Variants in ZMIZ1 observed in about 807,000 individuals in gnomAD.
ZMIZ1 encodes the protein zinc finger MIZ-type containing 1.
ZMIZ1 carries 17 observed loss-of-function variants against 113.9 expected under a neutral mutation model. The ratio of observed to expected loss-of-function variants is 0.15; its 90% CI spans 0.10 to 0.22. The LOEUF (loss-of-function observed/expected upper bound fraction) is 0.22, where lower values mean the gene tolerates loss of function less well. ZMIZ1 is among the 10% of genes least tolerant of loss of function. ZMIZ1 has a pLI of 1.00. For missense variants in ZMIZ1, 1,059 were observed against 1,477.8 expected, an observed-to-expected ratio of 0.72 and a Z score of 4.65; for synonymous variants, 607 against 603.1, an observed-to-expected ratio of 1.01 and a Z score of -0.09.
At position 79,306,359 on chromosome 10, in the gene ZMIZ1, G is replaced by T. The variant is rs368048020; in HGVS notation, c.2668+15G>T. 6.2e-7 allele frequency: 1 copy of T among 1,605,066 alleles called. No homozygotes were observed. The highest frequency in any genetic ancestry group is 8.5e-7 in the Non-Finnish European group (1 of 1,179,368). ...CAGCAGCCAAGGTGGGTGATGCCAG[G>T]CAGGGAGGAAGGGAGAAGGAGGGCA... On this transcript the variant is annotated intron_variant, in intron 22 of 24. Coordinates refer to ENST00000334512, the MANE Select transcript of ZMIZ1 (RefSeq NM_020338.4).
At chr10:79,167,924 G>A (rs1354920572) in intron 4 of ZMIZ1, among the ~76,000 whole-genome samples, 1 of 152,244 alleles carries the variant, frequency 6.6e-6, no homozygotes, top group Non-Finnish European at 1.5e-5. Flanking sequence ...AGCGAGTGGA[G>A]GATGCCTGTG....
chr10:79,225,420 T>G (rs1849160791), intron 7 of ZMIZ1, among the ~76,000 whole-genome samples: 2 of 152,100 alleles, frequency 1.3e-5, no homozygotes, highest in East Asian at 3.9e-4. Context: ...GGTGAGCCAG[T>G]TCTCTGCTAG....
chr10:79,174,308 C>T (rs546677570), intron 4 of ZMIZ1, among the ~76,000 whole-genome samples: 7 of 151,922 alleles, frequency 4.6e-5, no homozygotes, highest in South Asian at 2.1e-4. Flanking sequence ...AGGGAAGGGC[C>T]GTGACCAACT....
chr10:79,177,948 C>G lies in ZMIZ1; in HGVS notation c.-50+15815C>G, dbSNP rs1016203586. Among the ~76,000 whole-genome samples, 4 of 152,156 alleles carry G rather than the reference C, an allele frequency of 2.6e-5. No individual in the cohort carries two copies. The East Asian group carries it at 7.7e-4, about 29-fold the overall frequency. On this transcript the variant is annotated intron_variant, in intron 4 of 24. Transcript: ENST00000334512. ...TTTTCTTCTCTTTTGGACTAAGTCA[C>G]GAGGAGGCTTCAGAGTCATTCAGTG...
At chr10:79,199,477 G>A (rs1847980469) in intron 4 of ZMIZ1, among the ~76,000 whole-genome samples, 1 of 152,000 alleles carries the variant, frequency 6.6e-6, no homozygotes, top group African/African-American at 2.4e-5. Context: ...CTGCACTCCA[G>A]CCTGGGCGAC....
intron 1 of ZMIZ1, among the ~76,000 whole-genome samples, chr10:79,117,565 G>A (rs544395237): frequency 2.0e-5 from 3 of 152,362 alleles, no homozygotes; most frequent in African/African-American, 7.2e-5. Context: ...TTTTCTGGCT[G>A]TTACGAATTG....
intron 5 of ZMIZ1, among the ~76,000 whole-genome samples, chr10:79,204,876 T>C (rs1848246986): frequency 9.2e-6 from 1 of 108,148 alleles, no homozygotes; most frequent in African/African-American, 4.4e-5. Flanking sequence ...GGTAGATAGG[T>C]AGATGAATGA....
At chr10:79,124,404 C>T (rs912368958) in intron 2 of ZMIZ1, among the ~76,000 whole-genome samples, 9 of 152,232 alleles carry the variant, frequency 5.9e-5, no homozygotes, top group African/African-American at 2.2e-4. Context: ...GGAGCTAGGA[C>T]TCAGCCCAGT....
At chr10:79,127,453 A>G (rs1314204182) in intron 2 of ZMIZ1, among the ~76,000 whole-genome samples, 1 of 152,072 alleles carries the variant, frequency 6.6e-6, no homozygotes, top group Non-Finnish European at 1.5e-5. Flanking sequence ...CTGCTCGGGA[A>G]GCCCATTCTT....
intron 1 of ZMIZ1, among the ~76,000 whole-genome samples, chr10:79,080,642 G>A (rs138988991): frequency 4.6e-5 from 7 of 152,266 alleles, no homozygotes; most frequent in South Asian, 2.1e-4. Flanking sequence ...GTTTGGCGAT[G>A]GGGCTGTGAA....
In ZMIZ1 at chr10:79,307,511, G is replaced by T; in HGVS notation, c.2775G>T (p.Pro925=). The T allele has an allele frequency of 6.6e-7, 1 of 1,508,774 alleles. No individual in the cohort carries two copies. Among genetic ancestry groups the T allele is most frequent in the Non-Finnish European group, 8.8e-7 (1 of 1,132,010 alleles). 93.5% of individuals were successfully genotyped at this position (1,508,774 alleles called of 1,614,324 possible). A position where few individuals can be genotyped will look rare whatever the true frequency, so the allele number is the denominator to read the frequency against. ...GGCCCCCCCAGCTCTCCCACCCCCC[G>T]GACATGCCCAACAACATGGCCGCCC... ...MHGPPQLSHP[P]DMPNNMAALE... Residue 925 remains proline, a synonymous_variant, in exon 23 of 25, where the codon CCG becomes CCT. Transcript: ENST00000334512.
At position 79,258,446 on chromosome 10, in the gene ZMIZ1, T is replaced by G. The variant is rs1851054830; in HGVS notation, c.281-18735T>G. Among the ~76,000 whole-genome samples the G allele has an allele frequency of 2.0e-5, 3 of 152,188 alleles. No individual in the cohort carries two copies. The South Asian group carries it at 6.2e-4, about 32-fold the overall frequency. ...TAGTTAAATGGAATTTAAACTCAAC[T>G]CCTCAGTTGCACTGGCCACACATGT... is the stretch of plus-strand genomic sequence containing the variant. On this transcript the variant is annotated intron_variant, in intron 7 of 24. Transcript: ENST00000334512.
chr10:79,305,483 A>T lies in ZMIZ1; in HGVS notation c.2355-50A>T, dbSNP rs200364362. ...ACTGAGGTGGATGGGCTTTGCCCCT[A>T]CCTCCTTGGGTCCTGGAGCAGAGGC... On this transcript the variant is annotated intron_variant, in intron 20 of 24. Transcript: ENST00000334512. 1,414 of 1,597,816 alleles carry T rather than the reference A, an allele frequency of 8.8e-4. 4 individuals are homozygous for T. Among genetic ancestry groups the T allele is most frequent in the Non-Finnish European group, 1.1e-3 (1,273 of 1,165,548 alleles).
At chr10:79,078,737 A>G (rs1181655855) in intron 1 of ZMIZ1, among the ~76,000 whole-genome samples, 1 of 37,218 alleles carries the variant, frequency 2.7e-5, no homozygotes, top group African/African-American at 1.2e-4. Flanking sequence ...TTTTTTGCAT[A>G]TGGTGTTTCA....
chr10:79,185,208 G>A (rs996860096), intron 4 of ZMIZ1, among the ~76,000 whole-genome samples: 1 of 152,142 alleles, frequency 6.6e-6, no homozygotes, highest in Admixed American at 6.5e-5. Flanking sequence ...CCCAGGAAAG[G>A]AAACCACAGC....
rs562148989 is a variant in ZMIZ1 at position 79,288,788 on chromosome 10, G to A, written c.426-987G>A. Among the ~76,000 whole-genome samples, 12 of 152,282 alleles carry A rather than the reference G, an allele frequency of 7.9e-5. No individual in the cohort carries two copies. The East Asian group carries it at 1.9e-3, about 25-fold the overall frequency. On this transcript the variant is annotated intron_variant, in intron 8 of 24. Transcript: ENST00000334512. ...CTCACTCTTGTGCACCCCAGCAGTC[G>A]GTAGGAAGCATCACTGGACACTCAC...
chr10:79,104,607 G>T (rs1260253870), intron 1 of ZMIZ1, among the ~76,000 whole-genome samples: 2 of 152,170 alleles, frequency 1.3e-5, no homozygotes, highest in Non-Finnish European at 2.9e-5. Context: ...TTCTTTCCCT[G>T]TCTTTCTCCA....
At chr10:79,157,017 C>A (rs1168011260) in intron 3 of ZMIZ1, among the ~76,000 whole-genome samples, 1 of 146,656 alleles carries the variant, frequency 6.8e-6, no homozygotes, top group Non-Finnish European at 1.5e-5. Context: ...AGGGAGGGTA[C>A]CTTGGAGGTG....
chr10:79,147,159 G>A (rs1017542778), intron 3 of ZMIZ1, among the ~76,000 whole-genome samples: 1 of 152,154 alleles, frequency 6.6e-6, no homozygotes, highest in African/African-American at 2.4e-5. Context: ...CCCCGAGCTG[G>A]GTCCTAGAGC....
Sources: allele counts gnomAD v4.1 joint callset (sites outside exome capture counted in the v4.1 genomes callset), GRCh38; gene constraint gnomAD v4.1.1; transcripts MANE v1.5; gene names NCBI Gene and HGNC (gene_info 2026-07-23, HGNC 2026-07-21).